IMMP2L: variants seen among roughly 807,000 people sequenced by gnomAD.
IMMP2L encodes the protein mitochondrial inner membrane protease subunit 2.
In IMMP2L, 18 loss-of-function variants were observed where a neutral mutation model predicts 19.3. That is an observed-to-expected ratio of 0.93 (90% CI 0.64 to 1.38). The LOEUF is 1.38. Among genes scored for constraint, IMMP2L ranks in the 40% most tolerant of loss-of-function variants. The pLI is 0.00. For synonymous variants in IMMP2L, 76 were observed against 73.0 expected (o/e 1.04, Z -0.21); for missense variants, 233 against 218.2 (o/e 1.07, Z -0.43).
chr7:110,677,944 C>CT (rs573782126), intron 5 of IMMP2L, among the ~76,000 whole-genome samples: 2 of 152,174 alleles, frequency 1.3e-5, no homozygotes, highest in African/African-American at 4.8e-5. Flanking sequence ...CTGTGAGACC[C>CT]TAGCAGTAGT....
chr7:110,908,052 A>G lies in IMMP2L; in HGVS notation c.306-21357T>C, dbSNP rs1812658240. Among the ~76,000 whole-genome samples, 3 of 152,174 alleles carry G rather than the reference A, an allele frequency of 2.0e-5. No individual in the cohort carries two copies. In the South Asian group the frequency reaches 6.2e-4, roughly 32 times the overall value. On this transcript the variant is annotated intron_variant, in intron 4 of 5. Transcript: ENST00000405709. ...TGGATACATTTTTCTCTGCAGTTGC[A>G]CTCAAATATTATGTAGTTTTTGGTT... is the stretch of plus-strand genomic sequence containing the variant.
intron 4 of IMMP2L, among the ~76,000 whole-genome samples, chr7:110,897,600 G>C (rs1264366306): frequency 2.0e-5 from 3 of 152,258 alleles, no homozygotes; most frequent in African/African-American, 2.4e-5. Context: ...CTGGGATAGT[G>C]CCATAACATA....
At chr7:111,111,096 T>C (rs563947590) in intron 3 of IMMP2L, among the ~76,000 whole-genome samples, 1 of 152,244 alleles carries the variant, frequency 6.6e-6, no homozygotes, top group South Asian at 2.1e-4. Context: ...AGGTGATTTG[T>C]CACTTAGCTT....
At chr7:111,109,669 T>C (rs1409902284) in intron 3 of IMMP2L, among the ~76,000 whole-genome samples, 1 of 152,190 alleles carries the variant, frequency 6.6e-6, no homozygotes, top group African/African-American at 2.4e-5. Context: ...GTAAAGTGGG[T>C]ATAACTGCAC....
intron 4 of IMMP2L, among the ~76,000 whole-genome samples, chr7:110,959,094 A>G (rs1818664788): frequency 6.6e-6 from 1 of 151,990 alleles, no homozygotes; most frequent in Non-Finnish European, 1.5e-5. Context: ...TAATCCTTCA[A>G]TTAATCCTTC....
chr7:110,914,124 G>A lies in IMMP2L; in HGVS notation c.306-27429C>T, dbSNP rs544353434. 1.9e-4 allele frequency among the ~76,000 whole-genome samples: 29 copies of A among 152,250 alleles called. No individual in the cohort carries two copies. The South Asian group carries it at 4.6e-3, about 24-fold the overall frequency. ...CTTTTGCTCTTCCTGGACCACGTCCGCATCTTGGTAGCCATTGCTTTGACT... is the reference window on the plus strand; with the variant it reads ...CTTTTGCTCTTCCTGGACCACGTCCACATCTTGGTAGCCATTGCTTTGACT... On this transcript the variant is annotated intron_variant, in intron 4 of 5. Coordinates refer to ENST00000405709, the MANE Select transcript of IMMP2L (RefSeq NM_032549.4).
intron 5 of IMMP2L, among the ~76,000 whole-genome samples, chr7:110,686,098 A>C (rs1793090160): frequency 6.6e-6 from 1 of 152,062 alleles, no homozygotes; most frequent in Non-Finnish European, 1.5e-5. Context: ...TCACTATGTG[A>C]CAGAACTGCA....
intron 3 of IMMP2L, among the ~76,000 whole-genome samples, chr7:111,062,411 G>A (rs1219051583): frequency 1.3e-5 from 2 of 152,212 alleles, no homozygotes; most frequent in African/African-American, 4.8e-5. Context: ...GGGAACTATG[G>A]GAGTTACAAG....
At chr7:111,125,313 C>T (rs1202956944) in intron 3 of IMMP2L, 3 of 170,614 alleles carry the variant, frequency 1.8e-5, no homozygotes, top group Non-Finnish European at 2.8e-5. Context: ...TGAATTGACA[C>T]GTGGTGTAAT....
chr7:111,019,877 T>C (rs1826098311), intron 3 of IMMP2L, among the ~76,000 whole-genome samples: 1 of 152,094 alleles, frequency 6.6e-6, no homozygotes, highest in African/African-American at 2.4e-5. Flanking sequence ...TCCATATTCA[T>C]ACCTTTCCAT....
At chr7:111,065,402 G>A (rs1208036255) in intron 3 of IMMP2L, among the ~76,000 whole-genome samples, 3 of 152,196 alleles carry the variant, frequency 2.0e-5, no homozygotes, top group African/African-American at 7.2e-5. Context: ...CTCAGGAGAT[G>A]TGTATGGGTT....
intron 5 of IMMP2L, among the ~76,000 whole-genome samples, chr7:110,729,032 A>G (rs934830345): frequency 2.0e-5 from 3 of 148,486 alleles, no homozygotes; most frequent in African/African-American, 7.3e-5. Flanking sequence ...TTACAGGCAC[A>G]TGCCACTATG....
At chr7:111,325,195 T>C (rs1825180974) in intron 3 of IMMP2L, among the ~76,000 whole-genome samples, 1 of 151,788 alleles carries the variant, frequency 6.6e-6, no homozygotes, top group Non-Finnish European at 1.5e-5. Flanking sequence ...AGCTGTATAT[T>C]CTTTGAGCTA....
chr7:111,442,699 G>A (rs568288105), intron 3 of IMMP2L, among the ~76,000 whole-genome samples: 22 of 151,824 alleles, frequency 1.4e-4, no homozygotes, highest in Non-Finnish European at 2.5e-4. Context: ...AACTAGTACT[G>A]GATGCAGCTA....
rs144019410 is a variant in IMMP2L at position 111,304,490 on chromosome 7, C to T, written c.239+182748G>A. On this transcript the variant is annotated intron_variant, in intron 3 of 5. Coordinates refer to ENST00000405709, the MANE Select transcript of IMMP2L (RefSeq NM_032549.4). ...AGCCATTTGTAGAATATTGTGAGCC[C>T]ATAGGTGTGTATATATATAAAATGT... is the stretch of plus-strand genomic sequence containing the variant. Among the ~76,000 whole-genome samples the T allele has an allele frequency of 1.3e-3, 196 of 151,366 alleles. 4 individuals carry two copies. The East Asian group carries it at 0.036, about 28-fold the overall frequency.
chr7:111,275,474 G>C (rs1818925701), intron 3 of IMMP2L, among the ~76,000 whole-genome samples: 1 of 152,110 alleles, frequency 6.6e-6, no homozygotes, highest in Admixed American at 6.6e-5. Context: ...AAACAGTTGT[G>C]GGGGACTGGT....
chr7:111,160,438 A>C (rs1370901372), intron 3 of IMMP2L, among the ~76,000 whole-genome samples: 3 of 151,994 alleles, frequency 2.0e-5, no homozygotes, highest in Non-Finnish European at 4.4e-5. Context: ...ATGGACACTA[A>C]AATTTAAATC....
intron 3 of IMMP2L, among the ~76,000 whole-genome samples, chr7:111,071,985 T>C (rs1455318503): frequency 6.6e-6 from 1 of 152,098 alleles, no homozygotes; most frequent in Admixed American, 6.6e-5. Context: ...TGAGGGGTCA[T>C]GACAAATGAG....
intron 1 of IMMP2L, among the ~76,000 whole-genome samples, chr7:111,528,056 GAA>G (rs1206785982): frequency 5.3e-5 from 8 of 152,082 alleles, no homozygotes; most frequent in African/African-American, 1.9e-4. Flanking sequence ...AAATACTAAA[GAA>G]GCCATTCATA....
Sources: allele counts gnomAD v4.1 joint callset (sites outside exome capture counted in the v4.1 genomes callset), GRCh38; gene constraint gnomAD v4.1.1; transcripts MANE v1.5; gene names NCBI Gene and HGNC (gene_info 2026-07-23, HGNC 2026-07-21).